The following ZNF611 variants were observed in gnomAD, a reference collection of about 807,000 sequenced individuals.
ZNF611 encodes the protein zinc finger protein 611.
ZNF611 carries 6 observed loss-of-function variants against 8.9 expected under a neutral mutation model. The observed-to-expected ratio is 0.68, with a 90% CI of 0.37 to 1.34. The LOEUF is 1.34. Among genes scored for constraint, ZNF611 ranks in the 40% most tolerant of loss-of-function variants. The pLI is 0.02. For synonymous variants in ZNF611, 262 were observed against 279.7 expected, an observed-to-expected ratio of 0.94 and a Z score of 0.63; for missense variants, 874 against 841.3, an observed-to-expected ratio of 1.04 and a Z score of -0.48.
rs755549430 is a variant in ZNF611 at position 52,705,887 on chromosome 19, T to G, written c.1168A>C (p.Arg390=). 1 of 1,614,152 alleles carries G rather than the reference T, an allele frequency of 6.2e-7. No homozygotes were observed. The highest frequency in any genetic ancestry group is 1.1e-5 in the South Asian group (1 of 91,086). Residue 390 remains arginine (R), a synonymous_variant, in exon 6 of 6, where the codon AGA becomes CGA. Transcript: ENST00000652185. ...SRKSTIETHK[R]IHTGEKPYRC... is the part of the protein sequence containing the mutation. Reference sequence around the variant, plus strand: ...TATGGTTTCTCTCCAGTATGAATTCTCTTATGTGTCTCAATGGTTGATTTC... The same window carrying G: ...TATGGTTTCTCTCCAGTATGAATTCGCTTATGTGTCTCAATGGTTGATTTC...
chr19:52,734,810 G>A (rs1191456514), intron 1 of ZNF611, among the ~76,000 whole-genome samples, 191 bp downstream of exon 1: 1 of 152,156 alleles, frequency 6.6e-6, no homozygotes, highest in Non-Finnish European at 1.5e-5. Flanking sequence ...GACCGGGGAC[G>A]AGACCAGCCT....
chr19:52,716,641 C>G (rs2147430762), intron 3 of ZNF611, among the ~76,000 whole-genome samples: 1 of 152,260 alleles, frequency 6.6e-6, no homozygotes, highest in Middle Eastern at 3.4e-3. Flanking sequence ...AATCACTAAG[C>G]AAAAGGGAAA....
At chr19:52,714,866 T>C (rs185672618) in intron 4 of ZNF611, among the ~76,000 whole-genome samples, 80 of 149,820 alleles carry the variant, frequency 5.3e-4, no homozygotes, top group East Asian at 5.0e-3. Context: ...GGTGTTGTGG[T>C]GCAGGCCTGT....
rs535309829 is a variant in ZNF611 at position 52,714,474 on chromosome 19, G to T, written c.64-333C>A. ...AGGCCAAGGCGGGCAGATTATTTGC[G>T]GTCAAGAGTTCGAGACCAGCCTGGC... On this transcript the variant is annotated intron_variant, in intron 4 of 5. Coordinates refer to ENST00000652185, the MANE Select transcript of ZNF611 (RefSeq NM_001161499.2). Among the ~76,000 whole-genome samples, 7 of 151,678 alleles carry T rather than the reference G, an allele frequency of 4.6e-5. No individual in the cohort carries two copies. In the South Asian group the frequency reaches 1.0e-3, roughly 23 times the overall value.
At chr19:52,722,367 G>C (rs1008698883) in intron 3 of ZNF611, among the ~76,000 whole-genome samples, 14 of 151,978 alleles carry the variant, frequency 9.2e-5, no homozygotes, top group African/African-American at 3.1e-4. Flanking sequence ...GGGCAATAGG[G>C]CCAGACCCTG....
intron 5 of ZNF611, among the ~76,000 whole-genome samples, chr19:52,709,102 T>C (rs2147419947): frequency 6.6e-6 from 1 of 152,246 alleles, no homozygotes; most frequent in South Asian, 2.1e-4. Context: ...CTGGCCCGAA[T>C]GTTCGCATTG....
At chr19:52,732,022 G>A (rs2062428892) in intron 1 of ZNF611, among the ~76,000 whole-genome samples, 1 of 151,758 alleles carries the variant, frequency 6.6e-6, no homozygotes, top group South Asian at 2.1e-4. Flanking sequence ...TGTAATCCCA[G>A]CACTTTGGGA....
chr19:52,731,478 C>T (rs11671838), intron 1 of ZNF611, among the ~76,000 whole-genome samples: 41,523 of 151,948 alleles, frequency 0.27, 5,692 homozygotes, highest in Middle Eastern at 0.33. Context: ...TCAAACAAAC[C>T]TCTGCCTCCT....
intron 3 of ZNF611, chr19:52,724,638 C>T (rs2062380346): frequency 6.6e-6 from 1 of 152,154 alleles, no homozygotes; most frequent in East Asian, 1.9e-4. Context: ...ATCTCTCCAT[C>T]TCCTCTGCTC....
chr19:52,732,131 G>A (rs1042833213), intron 1 of ZNF611, among the ~76,000 whole-genome samples: 2 of 152,010 alleles, frequency 1.3e-5, no homozygotes, highest in Admixed American at 6.6e-5. Context: ...TTAGCTGGTA[G>A]TGGTGACAGG....
intron 3 of ZNF611, among the ~76,000 whole-genome samples, chr19:52,718,828 A>AC (rs1427472307): frequency 1.3e-5 from 2 of 151,936 alleles, no homozygotes; most frequent in African/African-American, 4.8e-5. Flanking sequence ...AAAACAAAAA[A>AC]CCCGACAACA....
At chr19:52,723,772 G>T (rs1299863967) in intron 3 of ZNF611, 1 of 152,248 alleles carries the variant, frequency 6.6e-6, no homozygotes, top group African/African-American at 2.4e-5. Context: ...AGAGGGGGAT[G>T]TGGAAGGACT....
chr19:52,710,965 G>A (rs2062275628), intron 5 of ZNF611, among the ~76,000 whole-genome samples: 1 of 151,570 alleles, frequency 6.6e-6, no homozygotes, highest in South Asian at 2.1e-4. Context: ...CCCAAGAAGT[G>A]GAGGTTGCAG....
chr19:52,734,187 G>GCT (rs1324698406), intron 1 of ZNF611, among the ~76,000 whole-genome samples: 4 of 84,666 alleles, frequency 4.7e-5, no homozygotes, highest in Admixed American at 1.2e-4. Flanking sequence ...GCTTTCTTAG[G>GCT]TTTTTTTTTT....
At chr19:52,723,278 C>T (rs551910086) in intron 3 of ZNF611, 31 of 107,192 alleles carry the variant, frequency 2.9e-4, no homozygotes, top group African/African-American at 9.6e-4. Context: ...TTTTTTGAGA[C>T]GGAGTTTCCA....
At chr19:52,709,891 G>C (rs1472871334) in intron 5 of ZNF611, among the ~76,000 whole-genome samples, 1 of 152,080 alleles carries the variant, frequency 6.6e-6, no homozygotes, top group East Asian at 1.9e-4. Flanking sequence ...TATAAAAAGA[G>C]ACAGTAAAGA....
At chr19:52,732,762 T>C (rs1955039417) in intron 1 of ZNF611, among the ~76,000 whole-genome samples, 2 of 146,284 alleles carry the variant, frequency 1.4e-5, no homozygotes, top group African/African-American at 5.1e-5. Context: ...CTAGGAAACA[T>C]AGTGAAACTC....
rs200202156 is a variant in ZNF611, at chr19:52,706,097, A to G, written c.958T>C (p.Cys320Arg). ...GAATTTTGACCAAAGATCTTGCCACACTCATTACAATTGTAACGTTTTACT... is the reference window on the plus strand; with the variant it reads ...GAATTTTGACCAAAGATCTTGCCACGCTCATTACAATTGTAACGTTTTACT... ...TGVKRYNCNE[C>R]GKIFGQNSAL... Residue 320 changes from cysteine to arginine, a missense_variant, in exon 6 of 6, where the codon TGT becomes CGT. Transcript: ENST00000652185. 1.2e-5 allele frequency: 20 copies of G among 1,614,034 alleles called. No homozygotes were observed. In the Admixed American group the frequency reaches 1.8e-4, roughly 15 times the overall value.
At chr19:52,725,790 C>A (rs2062388391) in intron 3 of ZNF611, among the ~76,000 whole-genome samples, 1 of 152,146 alleles carries the variant, frequency 6.6e-6, no homozygotes, top group South Asian at 2.1e-4. Context: ...GAAGCCAGTC[C>A]CGGGTGGGGC....
Sources: gnomAD v4.1 joint callset for allele counts (sites outside exome capture counted in the v4.1 genomes callset) on GRCh38, gnomAD v4.1.1 for gene constraint, MANE v1.5 for transcripts, NCBI Gene and HGNC (gene_info 2026-07-23, HGNC 2026-07-21) for gene names.